FRMD4B: variants seen among roughly 807,000 people sequenced by gnomAD.
The protein encoded by FRMD4B is FERM domain-containing protein 4B.
A neutral mutation model predicts 141.5 loss-of-function variants in FRMD4B; 74 were observed. The observed-to-expected ratio is 0.52, with a 90% CI of 0.43 to 0.63. The LOEUF is 0.63. Among genes scored for constraint, FRMD4B ranks in the 30% least tolerant of loss-of-function variants. FRMD4B has a pLI of 0.00. For missense variants in FRMD4B, 1,366 were observed against 1,253.4 expected (o/e 1.09, Z -1.36); for synonymous variants, 506 against 467.9 (o/e 1.08, Z -1.05).
At chr3:69,186,538 CCT>C (rs2092769898) in intron 19 of FRMD4B, among the ~76,000 whole-genome samples, 3 of 152,102 alleles carry the variant, frequency 2.0e-5, no homozygotes, top group Non-Finnish European at 4.4e-5. Context: ...ATGGTGAGAC[CCT>C]GTCTCTATTA....
intron 1 of FRMD4B, among the ~76,000 whole-genome samples, chr3:69,319,066 A>G (rs116165847): frequency 6.6e-6 from 1 of 152,234 alleles, no homozygotes; most frequent in Non-Finnish European, 1.5e-5. Flanking sequence ...AAAGTGCTTG[A>G]CATTTAACAC....
chr3:69,322,591 TC>T (rs1702044079), intron 1 of FRMD4B, among the ~76,000 whole-genome samples: 1 of 82,458 alleles, frequency 1.2e-5, no homozygotes, highest in Non-Finnish European at 3.2e-5. Flanking sequence ...TTTTTCTCTC[TC>T]TCTTTTTTTT....
chr3:69,180,951 C>T lies in FRMD4B; in HGVS notation c.2799G>A (p.Ala933=), dbSNP rs561278627. 82 of 1,613,272 alleles carry T rather than the reference C, an allele frequency of 5.1e-5. No homozygotes were observed. Among genetic ancestry groups the T allele is most frequent in the Middle Eastern group, 3.3e-4 (2 of 6,058 alleles). Reference sequence around the variant, plus strand: ...TTGGAGAACAAGGTACTTGCAGCCCCGCAAACCCCAGGCATCTCTGTGATC... The same window carrying T: ...TTGGAGAACAAGGTACTTGCAGCCCTGCAAACCCCAGGCATCTCTGTGATC... ...DRGSQRCLGF[A]GLQVPCSPSS... Residue 933 remains alanine, a synonymous_variant, in exon 21 of 23, where the codon GCG becomes GCA. Transcript: ENST00000398540.
chr3:69,358,224 A>G (rs1703380114), intron 1 of FRMD4B, among the ~76,000 whole-genome samples: 1 of 152,168 alleles, frequency 6.6e-6, no homozygotes, highest in Non-Finnish European at 1.5e-5. Flanking sequence ...TTGAATGTCT[A>G]TCAGGTATTG....
chr3:69,458,468 A>G (rs1705653308), intron 1 of FRMD4B, among the ~76,000 whole-genome samples: 1 of 152,216 alleles, frequency 6.6e-6, no homozygotes. Flanking sequence ...CTGGGTCTTA[A>G]AGTAGAGGTT....
chr3:69,221,813 TGA>T, intron 9 of FRMD4B, 43 bp downstream of exon 9: 2 of 916,582 alleles, frequency 2.2e-6, no homozygotes, highest in Non-Finnish European at 3.6e-6. Context: ...TACCTTCAGA[TGA>T]GAGATATTAA....
intron 1 of FRMD4B, among the ~76,000 whole-genome samples, chr3:69,534,999 G>A (rs1553651449): frequency 6.6e-6 from 1 of 152,032 alleles, no homozygotes; most frequent in Non-Finnish European, 1.5e-5. Flanking sequence ...ATTTTTTTTA[G>A]TATTTACTCC....
At position 69,480,788 on chromosome 3, in the gene FRMD4B, G is replaced by C. The variant is rs370983613; in HGVS notation, c.-128-48027C>G. ...CTGCAGAGGTTACTGCTGTCTTTTT[G>C]TTTGTCTCTGCCCTGCCCCCAGAGG... On this transcript the variant is annotated intron_variant, in intron 1 of 5. Transcript: ENST00000459638. Among the ~76,000 whole-genome samples the C allele has an allele frequency of 3.0e-4, 46 of 152,312 alleles. No individual in the cohort carries two copies. In the East Asian group the frequency reaches 5.2e-3, roughly 17 times the overall value.
chr3:69,269,812 G>T (rs2093586010), intron 5 of FRMD4B, among the ~76,000 whole-genome samples: 2 of 152,012 alleles, frequency 1.3e-5, no homozygotes, highest in Non-Finnish European at 2.9e-5. Flanking sequence ...TAGAGACAGG[G>T]TTTCGCCATG....
In FRMD4B at chr3:69,372,656, C is replaced by T. The variant is rs148901428; in HGVS notation, c.162+13172G>A. ...CTCCAGCCTGGGTAACAGAGCAGGACTCCGTCTCAAAAACAAATAAATAAA... is the reference window on the plus strand; with the variant it reads ...CTCCAGCCTGGGTAACAGAGCAGGATTCCGTCTCAAAAACAAATAAATAAA... On this transcript the variant is annotated intron_variant, in intron 1 of 22. Coordinates refer to ENST00000398540, the MANE Select transcript of FRMD4B (RefSeq NM_015123.3). Among the ~76,000 whole-genome samples the T allele has an allele frequency of 2.8e-4, 42 of 151,432 alleles. No homozygotes were observed. The East Asian group carries it at 8.0e-3, about 29-fold the overall frequency.
At chr3:69,502,681 T>C (rs960625092) in intron 1 of FRMD4B, among the ~76,000 whole-genome samples, 2 of 151,598 alleles carry the variant, frequency 1.3e-5, no homozygotes, top group Middle Eastern at 3.4e-3. Context: ...AATTGACAAA[T>C]GGGGTCTAAT....
At chr3:69,246,874 T>C (rs547795084) in intron 7 of FRMD4B, among the ~76,000 whole-genome samples, 1 of 152,210 alleles carries the variant, frequency 6.6e-6, no homozygotes, top group Non-Finnish European at 1.5e-5. Context: ...TCGCCAACCT[T>C]GATGTCCTAG....
intron 5 of FRMD4B, among the ~76,000 whole-genome samples, chr3:69,278,003 CTGCCACCT>C (rs1479208509): frequency 6.6e-6 from 1 of 151,674 alleles, no homozygotes; most frequent in African/African-American, 2.4e-5. Flanking sequence ...CTACAGGTGT[CTGCCACCT>C]TGCCTGGCTA....
At chr3:69,448,250 G>A (rs922611573) in intron 1 of FRMD4B, among the ~76,000 whole-genome samples, 1 of 152,046 alleles carries the variant, frequency 6.6e-6, no homozygotes, top group Non-Finnish European at 1.5e-5. Context: ...GGCTGGTCTC[G>A]AACGCCTGAC....
chr3:69,284,144 A>T (rs1333381441), intron 5 of FRMD4B, among the ~76,000 whole-genome samples: 1 of 152,098 alleles, frequency 6.6e-6, no homozygotes, highest in Non-Finnish European at 1.5e-5. Context: ...AACACAGTGA[A>T]CTCCCTGAGC....
At chr3:69,492,123 C>A (rs1399508963) in intron 1 of FRMD4B, among the ~76,000 whole-genome samples, 4 of 152,206 alleles carry the variant, frequency 2.6e-5, no homozygotes, top group African/African-American at 9.6e-5. Context: ...CCTCTCATCT[C>A]TGTTTTCTAT....
intron 5 of FRMD4B, among the ~76,000 whole-genome samples, chr3:69,282,883 C>T (rs1466813477): frequency 4.6e-5 from 7 of 152,004 alleles, no homozygotes; most frequent in South Asian, 2.1e-4. Context: ...GTGATCCACC[C>T]GCCTTGGCTT....
chr3:69,503,581 T>C (rs1706541049), intron 1 of FRMD4B, among the ~76,000 whole-genome samples: 1 of 151,344 alleles, frequency 6.6e-6, no homozygotes, highest in South Asian at 2.1e-4. Context: ...ATACACCTAA[T>C]GTAAATGAAG....
At chr3:69,255,392 G>T (rs1374978747) in intron 5 of FRMD4B, among the ~76,000 whole-genome samples, 1 of 152,040 alleles carries the variant, frequency 6.6e-6, no homozygotes, top group Non-Finnish European at 1.5e-5. Context: ...ATAAAAGTTT[G>T]AAGCCGGGTC....
Sources: gnomAD v4.1 joint callset for allele counts (sites outside exome capture counted in the v4.1 genomes callset) on GRCh38, gnomAD v4.1.1 for gene constraint, MANE v1.5 for transcripts, NCBI Gene and HGNC (gene_info 2026-07-23, HGNC 2026-07-21) for gene names.